The following SOX5 variants were observed in gnomAD, a reference collection of about 807,000 sequenced individuals.
SOX5 encodes the protein transcription factor SOX-5.
SOX5 carries 9 observed loss-of-function variants against 92.0 expected under a neutral mutation model. The ratio of observed to expected loss-of-function variants is 0.10; its 90% CI spans 0.06 to 0.17. The LOEUF (loss-of-function observed/expected upper bound fraction) is 0.17, where lower values mean the gene tolerates loss of function less well. Ranked by LOEUF, SOX5 falls within the 10% of genes least tolerant of loss-of-function variation. The probability of loss-of-function intolerance (pLI) is 1.00; values close to 1 mark genes in which losing one functional copy is unlikely to be tolerated. For missense variants in SOX5, 642 were observed against 944.5 expected (o/e 0.68, Z 4.20); for synonymous variants, 344 against 336.3 (o/e 1.02, Z -0.25).
chr12:23,636,860 C>T (rs2079319616), intron 8 of SOX5, among the ~76,000 whole-genome samples: 1 of 152,126 alleles, frequency 6.6e-6, no homozygotes, highest in Non-Finnish European at 1.5e-5. Context: ...CTTGAAGAAG[C>T]AAATATAATT....
intron 9 of SOX5, among the ~76,000 whole-genome samples, chr12:23,580,907 G>A (rs966739636): frequency 1.3e-5 from 2 of 151,910 alleles, no homozygotes; most frequent in Non-Finnish European, 1.5e-5. Flanking sequence ...GACGCACTGA[G>A]GGAATACCAA....
chr12:23,586,082 GCT>G (rs983256028), intron 9 of SOX5, among the ~76,000 whole-genome samples: 3 of 151,846 alleles, frequency 2.0e-5, no homozygotes, highest in South Asian at 4.2e-4. Flanking sequence ...GAGGAAGCGC[GCT>G]CTCTCTCTCC....
At chr12:23,902,563 T>C (rs1056271072) in intron 1 of SOX5, among the ~76,000 whole-genome samples, 12 of 148,290 alleles carry the variant, frequency 8.1e-5, no homozygotes, top group Admixed American at 8.1e-4. Flanking sequence ...ACTTTTTCAG[T>C]TGCATGCATA....
intron 1 of SOX5, among the ~76,000 whole-genome samples, chr12:24,461,214 T>A (rs1032886856): frequency 3.3e-5 from 5 of 151,624 alleles, no homozygotes; most frequent in Non-Finnish European, 7.4e-5. Context: ...AGAAACATTA[T>A]TTTGTAGGAG....
At chr12:23,835,973 T>G (rs1345011230) in intron 3 of SOX5, among the ~76,000 whole-genome samples, 3 of 151,832 alleles carry the variant, frequency 2.0e-5, no homozygotes, top group Admixed American at 1.3e-4. Context: ...GAGCCCTGGT[T>G]ATAAGGTTTT....
chr12:23,732,438 G>C (rs2093427597), intron 6 of SOX5, among the ~76,000 whole-genome samples: 1 of 150,832 alleles, frequency 6.6e-6, no homozygotes, highest in African/African-American at 2.4e-5. Flanking sequence ...ATATATTTCA[G>C]AACTATGCTT....
intron 8 of SOX5, among the ~76,000 whole-genome samples, chr12:23,636,449 CTT>C (rs771894558): frequency 2.0e-5 from 3 of 152,060 alleles, no homozygotes; most frequent in Non-Finnish European, 4.4e-5. Context: ...TGTCTGCACT[CTT>C]TAATAAAAAT....
At chr12:24,062,004 G>C (rs1468371440) in intron 4 of SOX5, among the ~76,000 whole-genome samples, 3 of 152,114 alleles carry the variant, frequency 2.0e-5, no homozygotes, top group Admixed American at 6.6e-5. Context: ...ATGTAGAAAA[G>C]AAGATAGATT....
At chr12:24,208,125 G>C (rs188726850) in intron 4 of SOX5, among the ~76,000 whole-genome samples, 13 of 152,124 alleles carry the variant, frequency 8.5e-5, no homozygotes, top group Admixed American at 3.3e-4. Flanking sequence ...ATTTCTGCTT[G>C]TATCTGCACC....
chr12:24,168,009 G>C (rs1024771348), intron 4 of SOX5, among the ~76,000 whole-genome samples: 17 of 152,202 alleles, frequency 1.1e-4, no homozygotes, highest in Non-Finnish European at 1.6e-4. Context: ...CCTTGTTTTG[G>C]CATCACCTCA....
At chr12:23,629,624 T>C (rs964761499) in intron 8 of SOX5, among the ~76,000 whole-genome samples, 1 of 152,076 alleles carries the variant, frequency 6.6e-6, no homozygotes, top group Admixed American at 6.6e-5. Flanking sequence ...TTGAACATAC[T>C]TGGAGTCCGG....
At chr12:23,673,715 G>C (rs1315275013) in intron 6 of SOX5, among the ~76,000 whole-genome samples, 1 of 148,070 alleles carries the variant, frequency 6.8e-6, no homozygotes, top group African/African-American at 2.5e-5. Context: ...TTGAATTTCA[G>C]TTCAACATAA....
At chr12:23,652,650 C>A (rs1399729271) in intron 7 of SOX5, among the ~76,000 whole-genome samples, 1 of 151,702 alleles carries the variant, frequency 6.6e-6, no homozygotes. Flanking sequence ...CACTTAGTGA[C>A]ACTCAGTCAC....
chr12:23,819,082 T>A (rs886607222), intron 3 of SOX5, among the ~76,000 whole-genome samples: 6 of 152,186 alleles, frequency 3.9e-5, no homozygotes, highest in African/African-American at 1.4e-4. Flanking sequence ...AATATATACA[T>A]CAGTAACATA....
intron 10 of SOX5, among the ~76,000 whole-genome samples, chr12:23,567,464 A>ATTTTTTTTT (rs35620007): frequency 3.4e-5 from 4 of 119,152 alleles, no homozygotes; most frequent in Non-Finnish European, 6.7e-5. Context: ...ATTTGATTTG[A>ATTTTTTTTT]TTTTTTTTTT....
intron 6 of SOX5, among the ~76,000 whole-genome samples, chr12:23,669,652 A>G (rs1281434502): frequency 3.3e-5 from 5 of 152,046 alleles, no homozygotes; most frequent in Admixed American, 2.0e-4. Context: ...AGGAGAAAAA[A>G]AAAAGAAAAG....
intron 2 of SOX5, among the ~76,000 whole-genome samples, chr12:24,328,335 G>A (rs1441709574): frequency 6.6e-6 from 1 of 152,102 alleles, no homozygotes; most frequent in Non-Finnish European, 1.5e-5. Flanking sequence ...GTTCATCTAT[G>A]GAACAATCAG....
chr12:24,502,478 A>G (rs1280365797), intron 1 of SOX5, among the ~76,000 whole-genome samples: 1 of 152,220 alleles, frequency 6.6e-6, no homozygotes, highest in Non-Finnish European at 1.5e-5. Context: ...CCTACTGATA[A>G]TGGAAATAAA....
chr12:23,764,713 G>T (rs934013229), intron 3 of SOX5, among the ~76,000 whole-genome samples: 20 of 152,060 alleles, frequency 1.3e-4, no homozygotes, highest in African/African-American at 4.8e-4. Flanking sequence ...ATTCAAAATT[G>T]TGAAAGTGGG....
Sources: gnomAD v4.1 joint callset for allele counts (sites outside exome capture counted in the v4.1 genomes callset) on GRCh38, gnomAD v4.1.1 for gene constraint, MANE v1.5 for transcripts, NCBI Gene and HGNC (gene_info 2026-07-23, HGNC 2026-07-21) for gene names.